VEZT: variants seen among roughly 807,000 people sequenced by gnomAD.
VEZT encodes the protein vezatin, adherens junctions transmembrane protein.
VEZT carries 39 observed loss-of-function variants against 79.9 expected under a neutral mutation model. That is an observed-to-expected ratio of 0.49 (90% confidence interval 0.38 to 0.64). The LOEUF (loss-of-function observed/expected upper bound fraction) is 0.64, where lower values mean the gene tolerates loss of function less well. VEZT is among the 30% of genes least tolerant of loss of function. The pLI, the probability that VEZT is intolerant of heterozygous loss-of-function variation, is 0.00. For missense variants in VEZT, 837 were observed against 893.1 expected, an observed-to-expected ratio of 0.94 and a Z score of 0.80; for synonymous variants, 325 against 327.6, an observed-to-expected ratio of 0.99 and a Z score of 0.09.
intron 1 of VEZT, among the ~76,000 whole-genome samples, chr12:95,240,081 G>GGAAGAAAGA (rs2060819930): frequency 4.2e-5 from 6 of 144,228 alleles, no homozygotes; most frequent in Non-Finnish European, 7.5e-5. Flanking sequence ...AGGAAGAAAA[G>GGAAGAAAGA]AAAGAGGAAA....
At chr12:95,295,930 A>G in intron 10 of VEZT, 121 bp from the exon 11 acceptor site, 1 of 715,260 alleles carries the variant, frequency 1.4e-6, no homozygotes, top group South Asian at 2.1e-5. Context: ...TGCTTTAATG[A>G]CCTGTGCCAA....
intron 1 of VEZT, among the ~76,000 whole-genome samples, chr12:95,237,353 C>T (rs746693648): frequency 6.6e-6 from 1 of 152,168 alleles, no homozygotes; most frequent in Admixed American, 6.5e-5. Flanking sequence ...TGTCTGGGTA[C>T]TCAATAAATG....
chr12:95,233,383 T>A (rs1184829943), intron 1 of VEZT, among the ~76,000 whole-genome samples: 1 of 152,076 alleles, frequency 6.6e-6, no homozygotes, highest in African/African-American at 2.4e-5. Context: ...TTTTCTTTTT[T>A]AAATTATTTT....
chr12:95,258,668 AGTACTTTTCTTAAAAAT>A (rs1031791087), intron 3 of VEZT, among the ~76,000 whole-genome samples: 1 of 152,176 alleles, frequency 6.6e-6, no homozygotes, highest in Non-Finnish European at 1.5e-5. Context: ...TCATTTTTAT[AGTACTTTTCTTAAAAAT>A]TAAAAAAATC....
Position 95,234,450 on chromosome 12 carries a change from C to T in VEZT, c.36+16564C>T, listed in dbSNP as rs1010780464. On this transcript the variant is annotated intron_variant, in intron 1 of 11. Transcript: ENST00000436874. The stretch of plus-strand genomic sequence containing the variant: ...GATTACAGGCATGCGCCACCACCCC[C>T]GGCTAATTTTTTTGTATTTTTTTAG... Among the ~76,000 whole-genome samples, 4 of 151,958 alleles carry T rather than the reference C, an allele frequency of 2.6e-5. No individual in the cohort carries two copies. In the East Asian group the frequency reaches 5.8e-4, roughly 22 times the overall value.
chr12:95,252,453 T>C (rs12315763), intron 2 of VEZT: 17,335 of 154,640 alleles, frequency 0.11, 1,079 homozygotes, highest in East Asian at 0.25. Context: ...AGAACGCAAA[T>C]TGATATTTCT....
chr12:95,299,579 A>T (rs1033416515), intron 11 of VEZT: 1 of 152,100 alleles, frequency 6.6e-6, no homozygotes, highest in African/African-American at 2.4e-5. Flanking sequence ...GTTAAATTGT[A>T]TGTTGCATTT....
At chr12:95,239,948 AAG>A (rs140000740) in intron 1 of VEZT, among the ~76,000 whole-genome samples, 36,569 of 119,590 alleles carry the variant, frequency 0.31, 5,773 homozygotes, top group Admixed American at 0.35. Context: ...GGAGACTCGA[AAG>A]AGAGAGAGAG....
chr12:95,281,063 A>C (rs1166123689), intron 7 of VEZT, among the ~76,000 whole-genome samples: 1 of 152,234 alleles, frequency 6.6e-6, no homozygotes, highest in Non-Finnish European at 1.5e-5. Context: ...GAATAATTGG[A>C]ATCTAAATTA....
Position 95,284,318 on chromosome 12 carries a change from G to A in VEZT, c.1328+1674G>A, listed in dbSNP as rs1011156063. On this transcript the variant is annotated intron_variant, in intron 8 of 11. Transcript: ENST00000436874. The stretch of plus-strand genomic sequence containing the variant: ...TGTTTTGTGTTTCATATTTTAGAAT[G>A]CTCTTTTTGTGTCTCACTCCTCTCC... Among the ~76,000 whole-genome samples, 12 of 152,216 alleles carry A rather than the reference G, an allele frequency of 7.9e-5. No homozygotes were observed. The East Asian group carries it at 2.3e-3, about 29-fold the overall frequency.
At chr12:95,269,428 G>A (rs867194731) in intron 5 of VEZT, among the ~76,000 whole-genome samples, 79 of 151,964 alleles carry the variant, frequency 5.2e-4, no homozygotes, top group African/African-American at 1.8e-3. Flanking sequence ...ATCTTTCCAC[G>A]TCCCCTACTT....
rs2064818401 is a variant in VEZT at position 95,262,938 on chromosome 12, C to T, written c.291C>T (p.Thr97=). The change falls in exon 4 of 12, where the codon ACC becomes ACT. Residue 97 remains threonine, a synonymous_variant. Transcript: ENST00000436874. ...GATTCCGACTCGACTCATTACATAC[C>T]ATCCTGCAACAGGAAGTCCTGTTAC... ...DIGFRLDSLH[T]ILQQEVLLQE... 1.9e-6 allele frequency: 3 copies of T among 1,609,108 alleles called. No individual in the cohort carries two copies. The highest frequency in any genetic ancestry group is 2.5e-6 in the Non-Finnish European group (3 of 1,176,480).
At chr12:95,222,814 T>A (rs529714361) in intron 1 of VEZT, among the ~76,000 whole-genome samples, 1 of 152,362 alleles carries the variant, frequency 6.6e-6, no homozygotes, top group East Asian at 1.9e-4. Flanking sequence ...CATTTATTGC[T>A]TGCCTTCTAA....
chr12:95,231,568 C>A (rs1166921234), intron 1 of VEZT: 1 of 152,014 alleles, frequency 6.6e-6, no homozygotes, highest in African/African-American at 2.4e-5. Context: ...ATTAGTTGGA[C>A]CAATTTTAAT....
At chr12:95,272,797 C>T (rs376582660) in intron 6 of VEZT, among the ~76,000 whole-genome samples, 8 of 152,342 alleles carry the variant, frequency 5.3e-5, no homozygotes, top group East Asian at 3.9e-4. Flanking sequence ...TCATCTGTCA[C>T]CCAGACTGGA....
chr12:95,256,534 C>T (rs1720681302), intron 2 of VEZT: 3 of 1,261,202 alleles, frequency 2.4e-6, no homozygotes, highest in African/African-American at 1.5e-5. Context: ...ATCTTTTTTC[C>T]CATGACCCTT....
chr12:95,280,555 T>G (rs999394600), intron 7 of VEZT, among the ~76,000 whole-genome samples: 4 of 146,930 alleles, frequency 2.7e-5, no homozygotes, highest in African/African-American at 7.5e-5. Flanking sequence ...ACACACACAC[T>G]ATTCCTCTTC....
chr12:95,236,971 A>G (rs749190652), intron 1 of VEZT, among the ~76,000 whole-genome samples: 9 of 152,236 alleles, frequency 5.9e-5, no homozygotes, highest in Non-Finnish European at 1.2e-4. Flanking sequence ...TATCAGGAGA[A>G]TAATGCTAGC....
At chr12:95,218,073 C>G in intron 1 of VEZT, 187 bp downstream of exon 1, 1 of 447,442 alleles carries the variant, frequency 2.2e-6, no homozygotes, top group Non-Finnish European at 3.8e-6. Context: ...CAGAGGCGCC[C>G]TGGCCGTGGC....
Sources: allele counts gnomAD v4.1 joint callset (sites outside exome capture counted in the v4.1 genomes callset), GRCh38; gene constraint gnomAD v4.1.1; transcripts MANE v1.5; gene names NCBI Gene and HGNC (gene_info 2026-07-23, HGNC 2026-07-21).